The following ROCK1 variants were observed in gnomAD, a reference collection of about 807,000 sequenced individuals.
ROCK1 encodes Rho associated coiled-coil containing protein kinase 1.
In ROCK1, 36 loss-of-function variants were observed where a neutral mutation model predicts 196.8. That is an observed-to-expected ratio of 0.18 (90% CI 0.14 to 0.24). ROCK1 has a LOEUF of 0.24. ROCK1 is among the 10% of genes least tolerant of loss of function. The pLI, the probability that ROCK1 is intolerant of heterozygous loss-of-function variation, is 1.00. For missense variants in ROCK1, 920 were observed against 1,562.0 expected, an observed-to-expected ratio of 0.59 and a Z score of 6.93; for synonymous variants, 443 against 515.9, an observed-to-expected ratio of 0.86 and a Z score of 1.91.
chr18:21,092,580 T>TAAAAAA lies in ROCK1; in HGVS notation c.93+18232_93+18237dup, dbSNP rs35799573. ...GCCTGGGTAAGCAAGACCTCATCTT[T>TAAAAAA]AAAAAAAAAAAAAAAAAAAAAAAAC... On this transcript the variant is annotated intron_variant, in intron 1 of 32. Coordinates refer to ENST00000399799, the MANE Select transcript of ROCK1 (RefSeq NM_005406.3). Among the ~76,000 whole-genome samples, 14 of 81,096 alleles carry TAAAAAA rather than the reference T, an allele frequency of 1.7e-4. 1 individual carries two copies. The highest frequency in any genetic ancestry group is 6.2e-4 in the African/African-American group (12 of 19,302). The allele number at this position is 81,096 out of a possible 152,430, so 53.2% of individuals were successfully genotyped here.
At chr18:21,062,066 A>C (rs1902798615) in intron 2 of ROCK1, among the ~76,000 whole-genome samples, 1 of 152,296 alleles carries the variant, frequency 6.6e-6, no homozygotes, top group South Asian at 2.1e-4. Context: ...ACATGCATAC[A>C]TATATTTCCT....
intron 1 of ROCK1, among the ~76,000 whole-genome samples, chr18:21,097,979 T>TC: frequency 6.6e-6 from 1 of 152,232 alleles, no homozygotes; most frequent in East Asian, 1.9e-4. Flanking sequence ...AAGGTAGGCA[T>TC]CATCATCCCA....
intron 2 of ROCK1, among the ~76,000 whole-genome samples, chr18:21,069,224 T>C (rs923354646): frequency 5.3e-5 from 8 of 152,220 alleles, no homozygotes; most frequent in African/African-American, 1.9e-4. Context: ...ATTTCCTTTT[T>C]AAAATATGTT....
At chr18:21,022,762 TTTA>T (rs1384909895) in intron 11 of ROCK1, among the ~76,000 whole-genome samples, 1 of 152,166 alleles carries the variant, frequency 6.6e-6, no homozygotes, top group Non-Finnish European at 1.5e-5. Context: ...TTTAGTACCC[TTTA>T]TTGTTTCCCT....
intron 12 of ROCK1, among the ~76,000 whole-genome samples, chr18:21,018,074 C>T (rs886822250): frequency 2.0e-5 from 3 of 151,980 alleles, no homozygotes; most frequent in Non-Finnish European, 4.4e-5. Flanking sequence ...AAACTATTTA[C>T]CAATTCAATA....
intron 2 of ROCK1, among the ~76,000 whole-genome samples, chr18:21,055,868 T>G (rs985607502): frequency 6.6e-6 from 1 of 152,222 alleles, no homozygotes; most frequent in Non-Finnish European, 1.5e-5. Context: ...GGCTCTTACC[T>G]TTCTTTCAAA....
rs1268941452 is a variant in ROCK1 at position 20,960,201 on chromosome 18, T to C, written c.3358A>G (p.Arg1120Gly). ...GGTACTGAAAGCCAACCTTCAATTC[T>C]TGACTCTAGGAGAAAAAGAATATAT... is the stretch of plus-strand genomic sequence containing the variant. ...DETDGNLPES[R>G]IEGWLSVPNR... Residue 1120 changes from arginine to glycine, a missense_variant, in exon 28 of 33, where the codon AGA (arginine) becomes GGA (glycine). Physicochemically the swap from Arg to Gly is moderately radical, Grantham distance 125. This residue lies in a region of ROCK1 where 116 missense variants were observed against 204.2 expected (regional missense o/e 0.57). Transcript: ENST00000399799. 6.3e-7 allele frequency: 1 copy of C among 1,578,528 alleles called. No homozygotes were observed. Among genetic ancestry groups the C allele is most frequent in the Non-Finnish European group, 8.7e-7 (1 of 1,147,864 alleles).
At chr18:21,051,418 C>T (rs186755918) in intron 2 of ROCK1, among the ~76,000 whole-genome samples, 121 of 152,292 alleles carry the variant, frequency 7.9e-4, no homozygotes, top group African/African-American at 2.8e-3. Context: ...CACACCAGTG[C>T]ACTCCAGTCT....
chr18:21,029,597 G>A (rs1261124147), intron 9 of ROCK1, among the ~76,000 whole-genome samples: 2 of 152,048 alleles, frequency 1.3e-5, no homozygotes, highest in East Asian at 3.9e-4. Context: ...TAATAAAAAA[G>A]GGCAGTAATA....
intron 1 of ROCK1, among the ~76,000 whole-genome samples, chr18:21,104,400 A>T (rs1184624179): frequency 6.6e-6 from 1 of 152,072 alleles, no homozygotes. Context: ...GATCGAGACC[A>T]TCCTGGCTAA....
chr18:21,055,810 C>A (rs1211759273), intron 2 of ROCK1, among the ~76,000 whole-genome samples: 1 of 152,198 alleles, frequency 6.6e-6, no homozygotes, highest in East Asian at 1.9e-4. Flanking sequence ...TCTATAATTT[C>A]TGTGACTAAA....
chr18:20,963,395 TAATTA>T (rs2035344942), intron 27 of ROCK1, among the ~76,000 whole-genome samples: 1 of 152,070 alleles, frequency 6.6e-6, no homozygotes, highest in South Asian at 2.1e-4. Context: ...CAAAACACTT[TAATTA>T]AATTCAAAAG....
At chr18:21,107,483 T>A (rs1053211175) in intron 1 of ROCK1, among the ~76,000 whole-genome samples, 2 of 152,176 alleles carry the variant, frequency 1.3e-5, no homozygotes, top group African/African-American at 4.8e-5. Flanking sequence ...AATAAGTAAG[T>A]ATCAGTTACA....
chr18:20,954,454 T>C (rs1263502489), intron 31 of ROCK1, among the ~76,000 whole-genome samples: 1 of 150,806 alleles, frequency 6.6e-6, no homozygotes, highest in Non-Finnish European at 1.5e-5. Flanking sequence ...CACACGCCTA[T>C]AGTCCCAGCT....
rs2035231505 is a variant in ROCK1 at position 20,955,337 on chromosome 18, C to A, written c.3513-92G>T. The A allele has an allele frequency of 1.2e-5, 11 of 914,004 alleles. No individual in the cohort carries two copies. In the South Asian group the frequency reaches 1.5e-4, roughly 12 times the overall value. 56.6% of individuals were successfully genotyped at this position (914,004 alleles called of 1,614,324 possible). A position where few individuals can be genotyped will look rare whatever the true frequency, so the allele number is the denominator to read the frequency against. On this transcript the variant is annotated intron_variant, in intron 29 of 32. Transcript: ENST00000399799. Reference sequence around the variant, plus strand: ...AGGACATATGGGTGATAAATAAGCACACAAAAAGATATTCAACATCATCAG... The same window carrying A: ...AGGACATATGGGTGATAAATAAGCAAACAAAAAGATATTCAACATCATCAG...
intron 9 of ROCK1, among the ~76,000 whole-genome samples, chr18:21,037,468 A>G (rs1338955622): frequency 6.6e-6 from 1 of 152,216 alleles, no homozygotes; most frequent in Non-Finnish European, 1.5e-5. Context: ...TTAGCAGGTC[A>G]AAGAGGTCAG....
intron 22 of ROCK1, among the ~76,000 whole-genome samples, chr18:20,978,258 C>T (rs2035498388): frequency 6.6e-6 from 1 of 151,044 alleles, no homozygotes; most frequent in Non-Finnish European, 1.5e-5. Context: ...GTTTGCAACA[C>T]CTAATGTATT....
intron 11 of ROCK1, among the ~76,000 whole-genome samples, chr18:21,021,913 T>C (rs2035916158): frequency 6.6e-6 from 1 of 152,154 alleles, no homozygotes; most frequent in Non-Finnish European, 1.5e-5. Flanking sequence ...TAGCAATACA[T>C]AACTTGCCAA....
In ROCK1 at chr18:21,039,477, C is replaced by T. The variant is rs2143499122; in HGVS notation, c.1046G>A (p.Arg349Gln). Residue 349 changes from arginine to glutamine, a missense_variant, in exon 9 of 33, where the codon CGA becomes CAA. Physicochemically the swap from Arg to Gln is conservative, Grantham distance 43. This residue lies in a region of ROCK1 where 234 missense variants were observed against 460.7 expected (regional missense o/e 0.51). Coordinates refer to ENST00000399799, the MANE Select transcript of ROCK1 (RefSeq NM_005406.3). ...AAAGAAAAAAAAAAACTTACTGTCT[C>T]GGAGCGTTTCCCAAGCCCACTGGTC... ...KNDQWAWETL[R>Q]DTVAPVVPDL... 2 of 1,610,984 alleles carry T rather than the reference C, an allele frequency of 1.2e-6. No homozygotes were observed. Among genetic ancestry groups the T allele is most frequent in the Non-Finnish European group, 1.7e-6 (2 of 1,177,914 alleles).
Sources: allele counts gnomAD v4.1 joint callset (sites outside exome capture counted in the v4.1 genomes callset), GRCh38; gene constraint gnomAD v4.1.1; regional missense constraint gnomAD v4.1.1; transcripts MANE v1.5; gene names NCBI Gene and HGNC (gene_info 2026-07-23, HGNC 2026-07-21).